The following CDK14 variants were observed in gnomAD, a reference collection of about 807,000 sequenced individuals.
The protein encoded by CDK14 is cyclin dependent kinase 14.
CDK14 carries 34 observed loss-of-function variants against 60.7 expected under a neutral mutation model. The observed-to-expected ratio is 0.56, with a 90% CI of 0.43 to 0.75. The LOEUF (loss-of-function observed/expected upper bound fraction) is 0.75, where lower values mean the gene tolerates loss of function less well. CDK14 is among the 30% of genes least tolerant of loss of function. CDK14 has a pLI of 0.00. For synonymous variants in CDK14, 197 were observed against 203.7 expected (o/e 0.97, Z 0.28); for missense variants, 482 against 564.1 (o/e 0.85, Z 1.47).
At chr7:90,835,246 G>A (rs1268813949) in intron 5 of CDK14, among the ~76,000 whole-genome samples, 2 of 152,266 alleles carry the variant, frequency 1.3e-5, no homozygotes, top group East Asian at 1.9e-4. Flanking sequence ...TGTAAGGATT[G>A]GGATCTTAAG....
At chr7:90,939,530 C>A (rs1352621493) in intron 8 of CDK14, among the ~76,000 whole-genome samples, 1 of 152,170 alleles carries the variant, frequency 6.6e-6, no homozygotes, top group African/African-American at 2.4e-5. Context: ...CAACTGTATT[C>A]TTGCATTCAT....
At chr7:90,849,681 A>C (rs1186245540) in intron 5 of CDK14, among the ~76,000 whole-genome samples, 1 of 151,982 alleles carries the variant, frequency 6.6e-6, no homozygotes, top group Admixed American at 6.5e-5. Context: ...AGGATGGCAG[A>C]GGTTCTGATT....
chr7:91,124,925 A>G (rs1466363396), intron 14 of CDK14, among the ~76,000 whole-genome samples: 1 of 152,122 alleles, frequency 6.6e-6, no homozygotes, highest in Non-Finnish European at 1.5e-5. Context: ...TACAGAAGGA[A>G]TTGTCTATGC....
chr7:90,861,373 A>T (rs1791004075), intron 5 of CDK14, among the ~76,000 whole-genome samples: 1 of 152,190 alleles, frequency 6.6e-6, no homozygotes, highest in South Asian at 2.1e-4. Flanking sequence ...GCATTAAGAG[A>T]CAGCAACAAG....
intron 2 of CDK14, among the ~76,000 whole-genome samples, chr7:90,612,640 T>G (rs1799565583): frequency 6.6e-6 from 1 of 151,822 alleles, no homozygotes. Flanking sequence ...GGTGTGGTGG[T>G]GGGTACCTGT....
intron 5 of CDK14, among the ~76,000 whole-genome samples, chr7:90,812,665 G>C (rs1789181203): frequency 6.6e-6 from 1 of 152,072 alleles, no homozygotes; most frequent in South Asian, 2.1e-4. Context: ...CCATGCAATG[G>C]TTTTCAAAGT....
At chr7:91,056,362 T>A (rs1797557741) in intron 11 of CDK14, among the ~76,000 whole-genome samples, 1 of 150,416 alleles carries the variant, frequency 6.6e-6, no homozygotes, top group South Asian at 2.1e-4. Flanking sequence ...AACAGCATGG[T>A]GTTCGGTAAT....
intron 14 of CDK14, among the ~76,000 whole-genome samples, chr7:91,174,226 A>G (rs1043501129): frequency 8.6e-5 from 13 of 151,966 alleles, no homozygotes; most frequent in East Asian, 1.9e-4. Flanking sequence ...GGGTATTCCA[A>G]CAGACCTGCA....
rs1046024292 is a variant in CDK14 at position 90,637,186 on chromosome 7, G to C, written c.123+32937G>C. On this transcript the variant is annotated intron_variant, in intron 2 of 14. Coordinates refer to ENST00000380050, the MANE Select transcript of CDK14 (RefSeq NM_001287135.2). ...TCTTGCCTTCTGCTAGCTTTTGAATGTGTTTGCTCTTGCTTTTCTAGTTGT... is the reference window on the plus strand; with the variant it reads ...TCTTGCCTTCTGCTAGCTTTTGAATCTGTTTGCTCTTGCTTTTCTAGTTGT... 1.3e-3 allele frequency among the ~76,000 whole-genome samples: 200 copies of C among 151,614 alleles called. 1 individual carries two copies. Among genetic ancestry groups the C allele is most frequent in the African/African-American group, 4.6e-3 (190 of 41,316 alleles).
At chr7:90,893,764 G>C (rs17476298) in intron 6 of CDK14, among the ~76,000 whole-genome samples, 1 of 152,188 alleles carries the variant, frequency 6.6e-6, no homozygotes, top group African/African-American at 2.4e-5. Context: ...ATAGAAATTT[G>C]TGAAACATCA....
chr7:90,818,886 A>ATG (rs10540162), intron 5 of CDK14, among the ~76,000 whole-genome samples: 94 of 149,936 alleles, frequency 6.3e-4, no homozygotes, highest in African/African-American at 1.7e-3. Flanking sequence ...GTGTATATAT[A>ATG]TGTGTGTGTG....
chr7:91,171,209 G>C lies in CDK14; in HGVS notation c.*29-35956G>C, dbSNP rs545034440. ...CTAAAAATACAAAAAAATTAGCTGG[G>C]CGTGGTGGCGGGCGCCTGTAATCCC... On this transcript the variant is annotated intron_variant, in intron 14 of 14. Transcript: ENST00000380050. 2.4e-3 allele frequency among the ~76,000 whole-genome samples: 365 copies of C among 152,040 alleles called. 2 individuals carry two copies. The highest frequency in any genetic ancestry group is 7.9e-3 in the African/African-American group (326 of 41,458).
intron 8 of CDK14, among the ~76,000 whole-genome samples, chr7:90,951,511 C>A (rs1289316209): frequency 6.6e-6 from 1 of 152,126 alleles, no homozygotes; most frequent in African/African-American, 2.4e-5. Flanking sequence ...CTTCTCAATT[C>A]TTTAGTCAAA....
chr7:90,955,848 C>A (rs574502203), intron 9 of CDK14, 31 bp downstream of exon 9: 2 of 1,609,988 alleles, frequency 1.2e-6, no homozygotes, highest in Admixed American at 1.7e-5. Context: ...TCTAGCTAAT[C>A]TATCTGTAGT....
intron 2 of CDK14, among the ~76,000 whole-genome samples, chr7:90,683,719 T>A (rs1197120983): frequency 6.6e-6 from 1 of 152,198 alleles, no homozygotes; most frequent in Non-Finnish European, 1.5e-5. Flanking sequence ...GAGGATTGCT[T>A]GAATTTGGGA....
chr7:91,110,476 G>A (rs1584074629), intron 12 of CDK14, among the ~76,000 whole-genome samples: 1 of 152,114 alleles, frequency 6.6e-6, no homozygotes, highest in South Asian at 2.1e-4. Flanking sequence ...GAACTGGAGG[G>A]ACTGCAGACA....
At chr7:90,877,929 A>G (rs927571930) in intron 6 of CDK14, among the ~76,000 whole-genome samples, 1 of 152,134 alleles carries the variant, frequency 6.6e-6, no homozygotes, top group African/African-American at 2.4e-5. Flanking sequence ...CCTGTATAAG[A>G]TGAATGAGCT....
At chr7:90,928,199 G>A (rs1793482186) in intron 8 of CDK14, among the ~76,000 whole-genome samples, 2 of 152,082 alleles carry the variant, frequency 1.3e-5, no homozygotes, top group South Asian at 2.1e-4. Context: ...ATTACCGAAC[G>A]TCTGAAGCCT....
At chr7:91,121,353 C>T (rs1351622351) in intron 14 of CDK14, among the ~76,000 whole-genome samples, 1 of 152,012 alleles carries the variant, frequency 6.6e-6, no homozygotes, top group African/African-American at 2.4e-5. Flanking sequence ...CTGGGCCGGC[C>T]GGCATTTTAA....
Sources: gnomAD v4.1 joint callset for allele counts (sites outside exome capture counted in the v4.1 genomes callset) on GRCh38, gnomAD v4.1.1 for gene constraint, MANE v1.5 for transcripts, NCBI Gene and HGNC (gene_info 2026-07-23, HGNC 2026-07-21) for gene names.